Variants in XPO1 observed in about 807,000 individuals in gnomAD.
XPO1 encodes the protein exportin 1, also known as exportin-1.
In XPO1, 5 loss-of-function variants were observed where a neutral mutation model predicts 133.3. The ratio of observed to expected loss-of-function variants is 0.04; its 90% CI spans 0.02 to 0.08. The LOEUF is 0.08. Among genes scored for constraint, XPO1 ranks in the 10% least tolerant of loss-of-function variants. The pLI, the probability that XPO1 is intolerant of heterozygous loss-of-function variation, is 1.00. For synonymous variants in XPO1, 419 were observed against 408.2 expected (o/e 1.03, Z -0.32); for missense variants, 506 against 1,267.5 (o/e 0.40, Z 9.12).
chr2:61,506,955 C>T (rs192361260), intron 4 of XPO1, among the ~76,000 whole-genome samples: 2 of 152,066 alleles, frequency 1.3e-5, no homozygotes, highest in Non-Finnish European at 2.9e-5. Flanking sequence ...GAAGGCCGGG[C>T]GCGGTGGCTC....
At chr2:61,495,368 AG>A in intron 11 of XPO1, 86 bp downstream of exon 11, 1 of 1,039,570 alleles carries the variant, frequency 9.6e-7, no homozygotes, top group Non-Finnish European at 1.3e-6. Flanking sequence ...AAATCTCAAA[AG>A]GTACATACAT....
intron 10 of XPO1, among the ~76,000 whole-genome samples, 198 bp from the exon 11 acceptor site, chr2:61,495,811 AG>A (rs1161041247): frequency 6.6e-6 from 1 of 151,994 alleles, no homozygotes; most frequent in Non-Finnish European, 1.5e-5. Context: ...CTGGAACCAC[AG>A]GTATGTGCCA....
intron 4 of XPO1, among the ~76,000 whole-genome samples, chr2:61,518,428 A>G (rs1698516578): frequency 4.0e-5 from 1 of 24,756 alleles, no homozygotes; most frequent in Non-Finnish European, 9.5e-5. Context: ...ACACACACAC[A>G]CACACACACA....
Position 61,494,093 on chromosome 2 carries a change from T to TACAC in XPO1, c.1048-6_1048-3dup. On this transcript the variant is annotated splice_region_variant and splice_polypyrimidine_tract_variant and intron_variant, in intron 11 of 24. Coordinates refer to ENST00000401558, the MANE Select transcript of XPO1 (RefSeq NM_003400.4). ...TACCAACAACATATAATGAAGGGCC[T>TACAC]ACACAGAAGACCAAAACTGTTAAAA... 1 of 1,609,198 alleles carries TACAC rather than the reference T, an allele frequency of 6.2e-7. No individual in the cohort carries two copies. The highest frequency in any genetic ancestry group is 1.1e-5 in the South Asian group (1 of 89,766).
chr2:61,502,467 C>T lies in XPO1; in HGVS notation c.302-157G>A, dbSNP rs374775593. On this transcript the variant is annotated intron_variant, in intron 4 of 24. Coordinates refer to ENST00000401558, the MANE Select transcript of XPO1 (RefSeq NM_003400.4). ...CAGTATTGGCATTTTAAAAAAATTC[C>T]GGCCCGGTGCGGTGGCTCACGCTTG... The T allele has an allele frequency of 8.3e-4, 553 of 666,422 alleles. 5 individuals are homozygous for T. In the South Asian group the frequency reaches 9.4e-3, roughly 11 times the overall value. 41.3% of individuals were successfully genotyped at this position (666,422 alleles called of 1,614,324 possible). A position where few individuals can be genotyped will look rare whatever the true frequency, so the allele number is the denominator to read the frequency against.
intron 6 of XPO1, among the ~76,000 whole-genome samples, chr2:61,501,336 A>C (rs1697506561): frequency 6.6e-6 from 1 of 152,216 alleles, no homozygotes; most frequent in Admixed American, 6.6e-5. Context: ...CAGTTTAAGG[A>C]CTAAGCATGG....
chr2:61,499,612 T>G (rs1273350031), intron 7 of XPO1, 101 bp downstream of exon 7: 8 of 1,153,012 alleles, frequency 6.9e-6, no homozygotes, highest in Non-Finnish European at 9.5e-6. Context: ...ATTTAACATA[T>G]TACTGATCAT....
At chr2:61,491,282 G>GAA (rs1443143427) in intron 16 of XPO1, among the ~76,000 whole-genome samples, 1 of 151,818 alleles carries the variant, frequency 6.6e-6, no homozygotes, top group African/African-American at 2.4e-5. Flanking sequence ...CCAACATGGA[G>GAA]AAACCCCGTC....
At chr2:61,502,098 C>G (rs1267958139) in intron 5 of XPO1, 58 bp from the exon 6 acceptor site, 21 of 1,533,552 alleles carry the variant, frequency 1.4e-5, no homozygotes, top group Non-Finnish European at 1.8e-5. Flanking sequence ...AAGAATATAA[C>G]CAGACAATCC....
In XPO1 at chr2:61,482,375, T is replaced by G; in HGVS notation, c.2972+5A>C. 1 of 1,603,412 alleles carries G rather than the reference T, an allele frequency of 6.2e-7. No homozygotes were observed. The highest frequency in any genetic ancestry group is 2.2e-5 in the East Asian group (1 of 44,578). On this transcript the variant is annotated splice_donor_5th_base_variant and intron_variant, in intron 23 of 24. Transcript: ENST00000401558. ...CATTCTACGTTTATTAAAAGGTATA[T>G]TTACTCTTGTAGGTGAGGGAAGGCC...
intron 4 of XPO1, among the ~76,000 whole-genome samples, chr2:61,511,909 G>T (rs1311774261): frequency 6.6e-6 from 1 of 151,978 alleles, no homozygotes; most frequent in East Asian, 1.9e-4. Context: ...TGGGATTACA[G>T]GCACACGCCA....
chr2:61,497,057 C>A, intron 9 of XPO1, 50 bp from the exon 10 acceptor site: 1 of 1,558,160 alleles, frequency 6.4e-7, no homozygotes, highest in South Asian at 1.2e-5. Flanking sequence ...CTGATACACA[C>A]TTTACTTAAA....
intron 10 of XPO1, 139 bp from the exon 11 acceptor site, chr2:61,495,752 G>A (rs573581988): frequency 4.2e-5 from 33 of 781,644 alleles, no homozygotes; most frequent in African/African-American, 4.1e-4. Flanking sequence ...GCTCACTGCA[G>A]CCTCCACCTC....
chr2:61,502,221 C>A (rs760715633), intron 5 of XPO1, 28 bp downstream of exon 5: 3 of 1,606,852 alleles, frequency 1.9e-6, no homozygotes, highest in Non-Finnish European at 2.5e-6. Context: ...TTTATGCTCT[C>A]CCAATAAGCT....
intron 2 of XPO1, among the ~76,000 whole-genome samples, chr2:61,530,093 G>A (rs1699087833): frequency 6.6e-6 from 1 of 152,164 alleles, no homozygotes; most frequent in South Asian, 2.1e-4. Flanking sequence ...AGAATATCTA[G>A]CTAGATAACC....
chr2:61,522,712 A>C, intron 3 of XPO1, 29 bp from the exon 4 acceptor site: 2 of 1,523,768 alleles, frequency 1.3e-6, no homozygotes, highest in South Asian at 1.1e-5. Context: ...AAGCATGTGA[A>C]TATATTGCTT....
intron 3 of XPO1, among the ~76,000 whole-genome samples, chr2:61,524,646 C>A (rs1393475329): frequency 6.6e-6 from 1 of 152,180 alleles, no homozygotes; most frequent in Non-Finnish European, 1.5e-5. Flanking sequence ...TTATTTGGGG[C>A]CAGGCAAAGT....
At chr2:61,491,039 T>G (rs565437669) in intron 16 of XPO1, among the ~76,000 whole-genome samples, 1 of 151,978 alleles carries the variant, frequency 6.6e-6, no homozygotes, top group South Asian at 2.1e-4. Context: ...TGCCTATAAT[T>G]CCAGTTACTT....
rs1696185501 is a variant in XPO1 at position 61,478,821 on chromosome 2, T to C, written c.3215A>G (p.Ter1072=). 1.2e-6 allele frequency: 2 copies of C among 1,613,202 alleles called. No individual in the cohort carries two copies. Among genetic ancestry groups the C allele is most frequent in the African/African-American group, 1.3e-5 (1 of 75,038 alleles). The part of the protein sequence containing the change: ...PHEIPEEMCD[*] ...AAAAAAACAGCATGAATTTGGATTT[T>C]AATCACACATTTCTTCTGGAATCTC... is the stretch of plus-strand genomic sequence containing the variant. Residue 1072 remains the stop codon, a stop_retained_variant, in exon 25 of 25, where the codon TAA becomes TGA. Coordinates refer to ENST00000401558, the MANE Select transcript of XPO1 (RefSeq NM_003400.4).
Sources: allele counts gnomAD v4.1 joint callset (sites outside exome capture counted in the v4.1 genomes callset), GRCh38; gene constraint gnomAD v4.1.1; transcripts MANE v1.5; gene names NCBI Gene and HGNC (gene_info 2026-07-23, HGNC 2026-07-21).